The following BCAS4 variants were observed in gnomAD, a reference collection of about 807,000 sequenced individuals.
BCAS4 encodes the protein breast carcinoma amplified sequence 4, also known as breast carcinoma-amplified sequence 4.
A neutral mutation model predicts 15.7 loss-of-function variants in BCAS4; 9 were observed. That is an observed-to-expected ratio of 0.57 (90% CI 0.34 to 1.00). The LOEUF (loss-of-function observed/expected upper bound fraction) is 1.00. Ranked by LOEUF, BCAS4 falls within the 50% of genes least tolerant of loss-of-function variation. BCAS4 has a pLI of 0.02. For synonymous variants in BCAS4, 101 were observed against 99.5 expected (o/e 1.02, Z -0.09); for missense variants, 225 against 239.1 (o/e 0.94, Z 0.39).
chr20:50,864,110 C>T (rs1277255872), intron 4 of BCAS4, among the ~76,000 whole-genome samples: 1 of 152,218 alleles, frequency 6.6e-6, no homozygotes, highest in Non-Finnish European at 1.5e-5. Flanking sequence ...ATGAAGAACA[C>T]CATCCTGAGG....
chr20:50,880,407 G>T (rs1980096572), downstream of BCAS4: 1 of 152,236 alleles, frequency 6.6e-6, no homozygotes, highest in Admixed American at 6.5e-5. Context: ...TCCAGTCAAT[G>T]ATGTCCTCGG....
chr20:50,795,131 G>T lies in BCAS4; in HGVS notation c.48G>T (p.Ala16=). The part of the protein sequence containing the change: ...ADQPEPMRSG[A]RELALFLTPE... ...AGCCGGAGCCCATGCGCAGCGGGGC[G>T]CGCGAGCTCGCGCTCTTCCTGACCC... The change falls in exon 1 of 5, where the codon GCG becomes GCT. Residue 16 remains alanine (A), a synonymous_variant. Coordinates refer to ENST00000371608, the MANE Select transcript of BCAS4 (RefSeq NM_198799.4). 1 of 1,478,082 alleles carries T rather than the reference G, an allele frequency of 6.8e-7. No individual in the cohort carries two copies. The highest frequency in any genetic ancestry group is 9.0e-7 in the Non-Finnish European group (1 of 1,111,678). The allele number at this position is 1,478,082 out of a possible 1,614,324, so 91.6% of individuals were successfully genotyped here. A position where few individuals can be genotyped will look rare whatever the true frequency, so the allele number is the denominator to read the frequency against.
chr20:50,875,966 C>G (rs1979912325), intron 4 of BCAS4: 1 of 455,998 alleles, frequency 2.2e-6, no homozygotes, highest in Admixed American at 2.4e-5. Context: ...CTTTTTTCTT[C>G]CCCGAGACAT....
At chr20:50,802,994 A>G (rs936824528) in intron 1 of BCAS4, among the ~76,000 whole-genome samples, 44 of 152,342 alleles carry the variant, frequency 2.9e-4, no homozygotes, top group African/African-American at 1.0e-3. Context: ...CAGCCTGGCC[A>G]ACATGGCAAA....
At chr20:50,880,166 GA>G, downstream of BCAS4, 1 of 152,434 alleles carries the variant, frequency 6.6e-6, no homozygotes, top group Non-Finnish European at 1.5e-5. Flanking sequence ...AATCTATGGG[GA>G]AAAGGTGACA....
intron 4 of BCAS4, among the ~76,000 whole-genome samples, chr20:50,857,373 CG>C (rs1978819454): frequency 6.6e-6 from 1 of 152,144 alleles, no homozygotes; most frequent in Admixed American, 6.5e-5. Flanking sequence ...TCAGGTGATC[CG>C]CCTGCCTCAG....
downstream of BCAS4, chr20:50,877,527 G>A (rs1980016287): frequency 6.6e-6 from 1 of 152,362 alleles, no homozygotes; most frequent in East Asian, 1.9e-4. Flanking sequence ...ATTCCCCTAT[G>A]CACATACAGG....
chr20:50,796,476 TATATA>T (rs1569013213), intron 1 of BCAS4, among the ~76,000 whole-genome samples: 18 of 13,884 alleles, frequency 1.3e-3, no homozygotes, highest in African/African-American at 4.1e-3. Context: ...TATATATATA[TATATA>T]TATATATTTT....
intron 4 of BCAS4, among the ~76,000 whole-genome samples, chr20:50,873,326 A>G (rs1158826065): frequency 6.6e-6 from 1 of 152,210 alleles, no homozygotes; most frequent in Non-Finnish European, 1.5e-5. Context: ...CTGGCCTAGG[A>G]GAGGCCGCCT....
At chr20:50,861,122 C>T (rs758629828) in intron 4 of BCAS4, among the ~76,000 whole-genome samples, 1 of 152,008 alleles carries the variant, frequency 6.6e-6, no homozygotes, top group African/African-American at 2.4e-5. Flanking sequence ...TATTGTGTCT[C>T]CATGAGGCCA....
chr20:50,805,512 A>T (rs1322619815), intron 1 of BCAS4, among the ~76,000 whole-genome samples: 1 of 152,192 alleles, frequency 6.6e-6, no homozygotes, highest in Non-Finnish European at 1.5e-5. Context: ...TACCTGGCAC[A>T]AGCTGGGGCC....
chr20:50,830,210 AC>A (rs2088326695), intron 2 of BCAS4, 68 bp from the exon 3 acceptor site: 1 of 1,362,700 alleles, frequency 7.3e-7, no homozygotes, highest in African/African-American at 1.4e-5. Flanking sequence ...ACCCTGGCCA[AC>A]CTCTGAGGCA....
At chr20:50,810,220 G>A (rs1029451921) in intron 1 of BCAS4, among the ~76,000 whole-genome samples, 2 of 151,540 alleles carry the variant, frequency 1.3e-5, no homozygotes, top group Non-Finnish European at 2.9e-5. Flanking sequence ...CTGGCTTCCC[G>A]GAGGGTGAAT....
chr20:50,818,940 T>C (rs2088176088), intron 2 of BCAS4, among the ~76,000 whole-genome samples: 1 of 152,126 alleles, frequency 6.6e-6, no homozygotes, highest in Non-Finnish European at 1.5e-5. Flanking sequence ...CCCAGCACTT[T>C]GGGAGGCCAA....
At position 50,876,633 on chromosome 20, in the gene BCAS4, C is replaced by T. The variant is rs771720331; in HGVS notation, c.*25C>T. ...AGCTTTGTGGTCTTCCCATCAGGAA[C>T]GCTGGAAAGTGACATTGTGTACACA... On this transcript the variant is annotated 3_prime_UTR_variant, in exon 5 of 5. Transcript: ENST00000371608. The T allele has an allele frequency of 2.3e-5, 37 of 1,611,902 alleles. No homozygotes were observed. The highest frequency in any genetic ancestry group is 1.3e-4 in the Admixed American group (8 of 59,618).
intron 4 of BCAS4, among the ~76,000 whole-genome samples, chr20:50,846,905 C>T (rs189612905): frequency 3.6e-4 from 54 of 151,914 alleles, no homozygotes; most frequent in Admixed American, 5.2e-4. Flanking sequence ...TGACCCACGA[C>T]GCCCAGCTTA....
At chr20:50,810,422 G>A (rs2088045667) in intron 1 of BCAS4, among the ~76,000 whole-genome samples, 1 of 151,942 alleles carries the variant, frequency 6.6e-6, no homozygotes, top group Non-Finnish European at 1.5e-5. Context: ...GGAGTTGGAA[G>A]GCCAACTTTG....
chr20:50,840,736 G>C, intron 3 of BCAS4: 1 of 1,611,766 alleles, frequency 6.2e-7, no homozygotes, highest in Non-Finnish European at 8.5e-7. Context: ...AGCCATATCG[G>C]ATTTGTCAGA....
chr20:50,807,572 T>G (rs916364820), intron 1 of BCAS4, among the ~76,000 whole-genome samples: 2 of 152,212 alleles, frequency 1.3e-5, no homozygotes, highest in Non-Finnish European at 2.9e-5. Flanking sequence ...AGTTCTTTAG[T>G]GAGTGGTGAT....
Sources: allele counts gnomAD v4.1 joint callset (sites outside exome capture counted in the v4.1 genomes callset), GRCh38; gene constraint gnomAD v4.1.1; transcripts MANE v1.5; gene names NCBI Gene and HGNC (gene_info 2026-07-23, HGNC 2026-07-21).